Variants in LRP1B observed in about 807,000 individuals in gnomAD.
The protein encoded by LRP1B is low-density lipoprotein receptor-related protein 1B.
In LRP1B, 217 loss-of-function variants were observed where a neutral mutation model predicts 556.6. That is an observed-to-expected ratio of 0.39 (90% CI 0.35 to 0.44). The LOEUF (loss-of-function observed/expected upper bound fraction) is 0.44, where lower values mean the gene tolerates loss of function less well. Among genes scored for constraint, LRP1B ranks in the 20% least tolerant of loss-of-function variants. The pLI is 1.00. For missense variants in LRP1B, 5,053 were observed against 5,620.8 expected (o/e 0.90, Z 3.23); for synonymous variants, 2,047 against 1,865.8 (o/e 1.10, Z -2.50).
Position 140,335,634 on chromosome 2 carries a change from C to A in LRP1B, c.12097G>T (p.Ala4033Ser). The A allele has an allele frequency of 6.2e-7, 1 of 1,607,628 alleles. No homozygotes were observed. The highest frequency in any genetic ancestry group is 8.5e-7 in the Non-Finnish European group (1 of 1,174,578). ...ACCTACCCTCTTTTAGGATTTACTG[C>A]AATAGCATAGGGTTCTCCAGCCATA... Reference protein sequence around the residue: ...TNMAGEPYAIAVNPKRGMMYW... With the variant: ...TNMAGEPYAISVNPKRGMMYW... The change falls in exon 78 of 91, where the codon GCA (alanine) becomes TCA (serine). Residue 4033 changes from alanine (A) to serine (S), a missense_variant. Ala to Ser is a moderately conservative substitution (Grantham distance 99). Transcript: ENST00000389484.
At position 140,994,098 on chromosome 2, in the gene LRP1B, A is replaced by C; in HGVS notation, c.2541T>G (p.Ala847=). The change falls in exon 16 of 91, where the codon GCT becomes GCG. Residue 847 remains alanine (A), a synonymous_variant. Transcript: ENST00000389484. ...GTCTGTTTTTGCAGCGAAACTCTCC[A>C]GCTTTACATATGTGAGGTAGTGCTT... ...PGEALPHICK[A]GEFRCKNRHC... is the part of the protein sequence containing the mutation. 6.2e-7 allele frequency: 1 copy of C among 1,612,696 alleles called. No individual in the cohort carries two copies. Among genetic ancestry groups the C allele is most frequent in the South Asian group, 1.1e-5 (1 of 91,048 alleles).
intron 1 of LRP1B, among the ~76,000 whole-genome samples, chr2:141,971,366 A>G (rs961241809): frequency 1.3e-5 from 2 of 151,438 alleles, no homozygotes; most frequent in Non-Finnish European, 3.0e-5. Flanking sequence ...TCCCTCCTCA[A>G]TAAAAGACAT....
chr2:140,537,722 A>C (rs2105007792), intron 45 of LRP1B, among the ~76,000 whole-genome samples: 1 of 152,244 alleles, frequency 6.6e-6, no homozygotes, highest in African/African-American at 2.4e-5. Flanking sequence ...ATTTTTATTA[A>C]AAATTAAGAG....
intron 66 of LRP1B, among the ~76,000 whole-genome samples, chr2:140,440,082 C>T (rs567108007): frequency 6.6e-6 from 1 of 151,914 alleles, no homozygotes; most frequent in African/African-American, 2.4e-5. Context: ...CTACAATGTT[C>T]GGACTTTAGA....
At chr2:140,487,924 T>TA (rs564354378) in intron 57 of LRP1B, among the ~76,000 whole-genome samples, 185 bp from the exon 58 acceptor site, 235 of 152,146 alleles carry the variant, frequency 1.5e-3, no homozygotes, top group African/African-American at 5.4e-3. Context: ...ATCGTATGTT[T>TA]AAAAAATACT....
chr2:141,231,199 T>C (rs536327416), intron 5 of LRP1B, among the ~76,000 whole-genome samples: 1 of 152,360 alleles, frequency 6.6e-6, no homozygotes, highest in Admixed American at 6.5e-5. Context: ...ATACTATAAC[T>C]AATGGAAGTA....
intron 23 of LRP1B, among the ~76,000 whole-genome samples, chr2:140,888,771 C>A (rs562915625): frequency 4.4e-4 from 67 of 151,944 alleles, no homozygotes; most frequent in African/African-American, 1.5e-3. Flanking sequence ...TGAGACCAGC[C>A]TGGCCAACAT....
intron 32 of LRP1B, among the ~76,000 whole-genome samples, chr2:140,786,676 C>G (rs930925816): frequency 6.6e-6 from 1 of 152,098 alleles, no homozygotes; most frequent in Admixed American, 6.6e-5. Flanking sequence ...GAACAAAGCC[C>G]AGAATTTGCT....
chr2:141,465,915 G>A (rs989161483), intron 3 of LRP1B, among the ~76,000 whole-genome samples: 1 of 150,778 alleles, frequency 6.6e-6, no homozygotes, highest in African/African-American at 2.4e-5. Flanking sequence ...TTGAGACAGA[G>A]TTTCACTCTT....
At chr2:140,475,402 T>C (rs2105348468) in intron 59 of LRP1B, 65 bp from the exon 60 acceptor site, 1 of 1,252,296 alleles carries the variant, frequency 8.0e-7, no homozygotes, top group Non-Finnish European at 1.1e-6. Flanking sequence ...ACAAACAATA[T>C]ATTACTTTTT....
chr2:141,378,609 T>C (rs1169091200), intron 3 of LRP1B, among the ~76,000 whole-genome samples: 1 of 152,066 alleles, frequency 6.6e-6, no homozygotes, highest in Non-Finnish European at 1.5e-5. Flanking sequence ...GAGGCTACAG[T>C]GAGCTAAGAT....
At chr2:141,590,597 C>T (rs913104138) in intron 2 of LRP1B, among the ~76,000 whole-genome samples, 1 of 151,964 alleles carries the variant, frequency 6.6e-6, no homozygotes, top group African/African-American at 2.4e-5. Context: ...AAGAGTGAAA[C>T]AAGGCCCCAG....
chr2:141,055,365 G>A (rs2105456674), intron 9 of LRP1B, 106 bp from the exon 10 acceptor site: 1 of 1,175,492 alleles, frequency 8.5e-7, no homozygotes, highest in Admixed American at 2.6e-5. Flanking sequence ...GGGAATCTTA[G>A]CAAAATTTTG....
At chr2:141,777,576 C>A (rs577896221) in intron 2 of LRP1B, among the ~76,000 whole-genome samples, 1 of 151,906 alleles carries the variant, frequency 6.6e-6, no homozygotes, top group East Asian at 1.9e-4. Context: ...CCACCACACC[C>A]GGCTTATTTT....
chr2:141,568,870 C>A (rs1258731649), intron 2 of LRP1B, among the ~76,000 whole-genome samples: 1 of 150,874 alleles, frequency 6.6e-6, no homozygotes, highest in African/African-American at 2.4e-5. Flanking sequence ...TTTCCTGCCT[C>A]AGCCTCCTGA....
At chr2:141,472,439 C>G (rs112528034) in intron 3 of LRP1B, among the ~76,000 whole-genome samples, 13,636 of 152,078 alleles carry the variant, frequency 0.09, 844 homozygotes, top group African/African-American at 0.17. Flanking sequence ...ATTTGGGAGG[C>G]TGAGGCAGGA....
chr2:140,345,822 A>G (rs187831236), intron 77 of LRP1B, among the ~76,000 whole-genome samples: 2,404 of 141,554 alleles, frequency 0.017, 70 homozygotes, highest in African/African-American at 0.059. Flanking sequence ...ATATATACAT[A>G]TATACATATA....
intron 2 of LRP1B, among the ~76,000 whole-genome samples, chr2:141,489,637 AAC>A (rs1331091147): frequency 2.6e-5 from 4 of 152,098 alleles, no homozygotes; most frequent in African/African-American, 7.2e-5. Flanking sequence ...ACTTTCCCAG[AAC>A]AGTGTTTATT....
intron 2 of LRP1B, among the ~76,000 whole-genome samples, chr2:141,591,813 A>C (rs926382448): frequency 6.6e-6 from 1 of 152,126 alleles, no homozygotes; most frequent in Non-Finnish European, 1.5e-5. Context: ...TAATTTTTCT[A>C]TAGGAGCATT....
Sources: allele counts gnomAD v4.1 joint callset (sites outside exome capture counted in the v4.1 genomes callset), GRCh38; gene constraint gnomAD v4.1.1; transcripts MANE v1.5; gene names NCBI Gene and HGNC (gene_info 2026-07-23, HGNC 2026-07-21).